The following TMEM114 variants were observed in gnomAD, a reference collection of about 807,000 sequenced individuals.
TMEM114 encodes claudin-26.
Under a neutral mutation model 6.2 loss-of-function variants are expected in TMEM114, and 6 were observed. The observed-to-expected ratio is 0.97, with a 90% CI of 0.53 to 1.91. The LOEUF is 1.91. Ranked by LOEUF, TMEM114 falls within the 40% of genes most tolerant of loss-of-function variation. The pLI, the probability that TMEM114 is intolerant of heterozygous loss-of-function variation, is 0.01. For missense variants in TMEM114, 218 were observed against 158.3 expected, an observed-to-expected ratio of 1.38 and a Z score of -2.02; for synonymous variants, 104 against 73.0, an observed-to-expected ratio of 1.42 and a Z score of -2.16.
chr16:8,539,846 C>T (rs564840254), intron 2 of TMEM114, among the ~76,000 whole-genome samples: 1 of 152,176 alleles, frequency 6.6e-6, no homozygotes, highest in Non-Finnish European at 1.5e-5. Context: ...TACACAGAGT[C>T]TCGCTCTGCC....
intron 3 of TMEM114, among the ~76,000 whole-genome samples, chr16:8,571,503 G>A (rs890391046): frequency 6.6e-6 from 1 of 152,138 alleles, no homozygotes; most frequent in Non-Finnish European, 1.5e-5. Flanking sequence ...GTTAACTGCT[G>A]TCACCATGAC....
chr16:8,566,566 G>C (rs1307580429), downstream of TMEM114, among the ~76,000 whole-genome samples: 3 of 152,142 alleles, frequency 2.0e-5, no homozygotes, highest in African/African-American at 2.4e-5. Flanking sequence ...GAACAGAACA[G>C]AACAGAATGG....
chr16:8,530,331 C>T, the TMEM114 span, among the ~76,000 whole-genome samples: 2 of 152,194 alleles, frequency 1.3e-5, no homozygotes, highest in African/African-American at 4.8e-5. Flanking sequence ...GGCTCTATCC[C>T]TGTGGGACCT....
chr16:8,564,473 GGGAC>G (rs1901448012), intron 2 of TMEM114, among the ~76,000 whole-genome samples: 2 of 110,328 alleles, frequency 1.8e-5, no homozygotes, highest in Admixed American at 1.9e-4. Flanking sequence ...GAGTGAGGGA[GGGAC>G]GGAGGGAATG....
chr16:8,554,526 G>C (rs1900946546), intron 2 of TMEM114, among the ~76,000 whole-genome samples: 1 of 152,152 alleles, frequency 6.6e-6, no homozygotes, highest in South Asian at 2.1e-4. Context: ...TGTGACACTT[G>C]ATTGATCCTC....
intron 2 of TMEM114, among the ~76,000 whole-genome samples, chr16:8,560,038 C>T (rs1038137741): frequency 1.3e-5 from 2 of 152,122 alleles, no homozygotes; most frequent in Non-Finnish European, 2.9e-5. Context: ...ACTCTGTTAC[C>T]CAGGCTGGAG....
intron 2 of TMEM114, among the ~76,000 whole-genome samples, chr16:8,550,397 C>G (rs1284148574): frequency 6.6e-6 from 1 of 152,196 alleles, no homozygotes; most frequent in African/African-American, 2.4e-5. Flanking sequence ...CTGGTCCCTC[C>G]TGGCCGGGTG....
In TMEM114 at chr16:8,589,659, C is replaced by A; in HGVS notation, c.180G>T (p.Glu60Asp). 5.0e-6 allele frequency: 2 copies of A among 398,520 alleles called. No individual in the cohort carries two copies. Among genetic ancestry groups the A allele is most frequent in the Non-Finnish European group, 4.4e-6 (1 of 226,010 alleles). The allele number at this position is 398,520 out of a possible 1,614,324, so 24.7% of individuals were successfully genotyped here. The change falls in exon 1 of 4, where the codon GAG (glutamate) becomes GAT (aspartate). Residue 60 changes from glutamate (E) to aspartate (D), a missense_variant. Glu to Asp is a conservative substitution (Grantham distance 45). Transcript: ENST00000620492. The stretch of plus-strand genomic sequence containing the variant: ...AGAGGCCGGAGTGGGAGCTCAGAGG[C>A]TCGGGCTGGCTGCGATTGATGGACC... The part of the protein sequence containing the change: ...LLGSINRSQP[E>D]PLSSHSGLWR...
At chr16:8,562,291 AGTG>A (rs1901265010) in intron 2 of TMEM114, among the ~76,000 whole-genome samples, 1 of 150,992 alleles carries the variant, frequency 6.6e-6, no homozygotes, top group Non-Finnish European at 1.5e-5. Flanking sequence ...TGAGTGAGTG[AGTG>A]AATGAGTGAG....
intron 2 of TMEM114, among the ~76,000 whole-genome samples, chr16:8,561,964 G>C (rs1901233349): frequency 6.6e-6 from 1 of 151,672 alleles, no homozygotes; most frequent in African/African-American, 2.4e-5. Context: ...GAGGGAGGGA[G>C]GGAATGAGTG....
downstream of TMEM114, among the ~76,000 whole-genome samples, chr16:8,564,658 TGAGG>T (rs1376129752): frequency 1.3e-5 from 2 of 148,440 alleles, no homozygotes; most frequent in Non-Finnish European, 3.0e-5. Context: ...AATGAGTGAG[TGAGG>T]GAGGGAGGGA....
At chr16:8,526,909 T>G in the TMEM114 span, among the ~76,000 whole-genome samples, 2 of 152,188 alleles carry the variant, frequency 1.3e-5, no homozygotes, top group African/African-American at 4.8e-5. Flanking sequence ...ACTTTGAACA[T>G]GAAAACATGC....
intron 2 of TMEM114, among the ~76,000 whole-genome samples, chr16:8,559,812 T>A (rs1901140596): frequency 6.6e-6 from 1 of 152,052 alleles, no homozygotes; most frequent in African/African-American, 2.4e-5. Context: ...AAGCCCAGGT[T>A]TCCATGACAG....
At chr16:8,530,051 T>C in the TMEM114 span, among the ~76,000 whole-genome samples, 1 of 152,232 alleles carries the variant, frequency 6.6e-6, no homozygotes, top group Non-Finnish European at 1.5e-5. Flanking sequence ...ACCAATTCTA[T>C]TTCCTGGTCC....
At position 8,569,790 on chromosome 16, in the gene TMEM114, G is replaced by C. The variant is rs1188185225; in HGVS notation, c.655C>G (p.Gln219Glu). 6.5e-7 allele frequency: 1 copy of C among 1,550,302 alleles called. No individual in the cohort carries two copies. The highest frequency in any genetic ancestry group is 1.4e-5 in the African/African-American group (1 of 73,008). The change falls in exon 4 of 4, where the codon CAG (glutamine) becomes GAG (glutamate). Residue 219 changes from glutamine to glutamate, a missense_variant. Coordinates refer to ENST00000620492, the MANE Select transcript of TMEM114 (RefSeq NM_001146336.2). ...AARELSLRRR[Q>E]DQAI is the part of the protein sequence containing the mutation. ...GCCCAGGCTCATATGGCCTGGTCCT[G>C]CCTCCGTCTCAGGCTGAGCTCGCGG...
chr16:8,539,065 G>A (rs576011608), intron 2 of TMEM114, among the ~76,000 whole-genome samples: 165 of 152,164 alleles, frequency 1.1e-3, no homozygotes, highest in African/African-American at 3.6e-3. Context: ...ATTAAATAGC[G>A]TATTTGTGAG....
downstream of TMEM114, among the ~76,000 whole-genome samples, chr16:8,533,991 G>A (rs183750504): frequency 9.2e-5 from 14 of 152,278 alleles, no homozygotes; most frequent in Admixed American, 7.2e-4. Flanking sequence ...CTGGCACCCA[G>A]TACCTCTTTG....
chr16:8,544,160 G>A (rs1454720282), intron 2 of TMEM114, among the ~76,000 whole-genome samples: 5 of 152,142 alleles, frequency 3.3e-5, no homozygotes, highest in Admixed American at 2.0e-4. Context: ...TCAGTAGCAA[G>A]CAACTTTATA....
intron 2 of TMEM114, among the ~76,000 whole-genome samples, chr16:8,550,297 C>G (rs1016181704): frequency 6.6e-6 from 1 of 152,248 alleles, no homozygotes; most frequent in Non-Finnish European, 1.5e-5. Flanking sequence ...AGAAACAATA[C>G]TTTGCATCCT....
Sources: gnomAD v4.1 joint callset for allele counts (sites outside exome capture counted in the v4.1 genomes callset) on GRCh38, gnomAD v4.1.1 for gene constraint, MANE v1.5 for transcripts, NCBI Gene and HGNC (gene_info 2026-07-23, HGNC 2026-07-21) for gene names.